PPIC: variants seen among roughly 807,000 people sequenced by gnomAD.
PPIC encodes peptidylprolyl isomerase C, also known as peptidyl-prolyl cis-trans isomerase C.
PPIC carries 19 observed loss-of-function variants against 19.5 expected under a neutral mutation model. The observed-to-expected ratio is 0.98, with a 90% CI of 0.68 to 1.43. PPIC has a LOEUF of 1.43. Ranked by LOEUF, PPIC falls within the 40% of genes most tolerant of loss-of-function variation. The probability of loss-of-function intolerance (pLI) is 0.00; values close to 1 mark genes in which losing one functional copy is unlikely to be tolerated. For missense variants in PPIC, 268 were observed against 268.6 expected (o/e 1.00, Z 0.02); for synonymous variants, 107 against 101.2 (o/e 1.06, Z -0.34).
intron 1 of PPIC, among the ~76,000 whole-genome samples, chr5:123,031,550 T>TG (rs1279583256): frequency 6.6e-6 from 1 of 152,114 alleles, no homozygotes; most frequent in Admixed American, 6.5e-5. Context: ...TTAGAGTGGG[T>TG]GGGGGGCCAG....
At chr5:123,033,884 C>G (rs1321489650) in intron 1 of PPIC, among the ~76,000 whole-genome samples, 1 of 152,226 alleles carries the variant, frequency 6.6e-6, no homozygotes, top group African/African-American at 2.4e-5. Context: ...TGCACAGATC[C>G]CATGGCATTG....
rs1004408270 is a variant in PPIC, at chr5:123,036,568, G to A, written c.58C>T (p.Leu20Phe). The A allele has an allele frequency of 4.1e-5, 66 of 1,602,002 alleles. No individual in the cohort carries two copies. Among genetic ancestry groups the A allele is most frequent in the Non-Finnish European group, 5.6e-5 (66 of 1,175,764 alleles). Residue 20 changes from leucine (L) to phenylalanine (F), a missense_variant, in exon 1 of 5, where the codon CTT (leucine) becomes TTT (phenylalanine). Physicochemically the swap from Leu to Phe is conservative, Grantham distance 22. Transcript: ENST00000306442. The surrounding 1 kb of genome is among the most constrained non-coding windows in gnomAD (Gnocchi z 4.5). ...CCCTCGGCCCCCGAAGAAAACACAAGTGCGCCGAGCCCCACGCAAAGCACG... is the reference window on the plus strand; with the variant it reads ...CCCTCGGCCCCCGAAGAAAACACAAATGCGCCGAGCCCCACGCAAAGCACG... ...PLVLCVGLGA[L>F]VFSSGAEGFR...
chr5:123,035,250 C>G (rs907458244), intron 1 of PPIC, among the ~76,000 whole-genome samples: 3 of 152,172 alleles, frequency 2.0e-5, no homozygotes, highest in South Asian at 2.1e-4. Flanking sequence ...TTAAATGTCA[C>G]CCAAAGTATA....
Position 123,023,838 on chromosome 5 carries a change from C to CACACACACACACACA in PPIC, c.*36_*37insTGTGTGTGTGTGTGT, listed in dbSNP as rs776662400. On this transcript the variant is annotated 3_prime_UTR_variant, in exon 5 of 5. Coordinates refer to ENST00000306442, the MANE Select transcript of PPIC (RefSeq NM_000943.5). ...CACACACACACACACACACACACAC[C>CACACACACACACACA]CCTGCCAAAGCATATCCTTGTTTTC... The CACACACACACACACA allele has an allele frequency of 1.5e-6, 2 of 1,311,200 alleles. No homozygotes were observed. Among genetic ancestry groups the CACACACACACACACA allele is most frequent in the Non-Finnish European group, 2.1e-6 (2 of 945,324 alleles). The allele number at this position is 1,311,200 out of a possible 1,614,324, so 81.2% of individuals were successfully genotyped here. A position where few individuals can be genotyped will look rare whatever the true frequency, so the allele number is the denominator to read the frequency against.
Position 123,029,308 on chromosome 5 carries a change from T to C in PPIC, c.228A>G (p.Gly76=). ...TVENFVALAT[G]EKGYGYKGSK... ...AGGAAATAAAATTGAGACATACCTCTCCTGTTGCTAGAGCAACAAAATTTT... is the reference window on the plus strand; with the variant it reads ...AGGAAATAAAATTGAGACATACCTCCCCTGTTGCTAGAGCAACAAAATTTT... Residue 76 remains glycine (G), a synonymous_variant, in exon 2 of 5, where the codon GGA becomes GGG. Coordinates refer to ENST00000306442, the MANE Select transcript of PPIC (RefSeq NM_000943.5). 1 of 1,614,088 alleles carries C rather than the reference T, an allele frequency of 6.2e-7. No homozygotes were observed. The highest frequency in any genetic ancestry group is 8.5e-7 in the Non-Finnish European group (1 of 1,179,968).
At chr5:123,033,247 A>C (rs1485974710) in intron 1 of PPIC, among the ~76,000 whole-genome samples, 1 of 152,230 alleles carries the variant, frequency 6.6e-6, no homozygotes, top group East Asian at 1.9e-4. Flanking sequence ...GAAATCAGGG[A>C]CTATGGACTA....
At chr5:123,032,325 T>A (rs1328557006) in intron 1 of PPIC, among the ~76,000 whole-genome samples, 1 of 152,200 alleles carries the variant, frequency 6.6e-6, no homozygotes, top group African/African-American at 2.4e-5. Context: ...TTCCCTACTA[T>A]GAGTGTGAGA....
intron 1 of PPIC, among the ~76,000 whole-genome samples, chr5:123,029,846 A>C (rs1395793965): frequency 6.6e-6 from 1 of 152,242 alleles, no homozygotes; most frequent in Non-Finnish European, 1.5e-5. Flanking sequence ...GCAGGACAAA[A>C]GAAAAAAGTT....
Position 123,036,432 on chromosome 5 carries a change from C to T in PPIC, c.117+77G>A, listed in dbSNP as rs1378670803. 5.2e-6 allele frequency: 7 copies of T among 1,343,432 alleles called. No homozygotes were observed. The highest frequency in any genetic ancestry group is 1.4e-5 in the African/African-American group (1 of 69,352). 83.2% of individuals were successfully genotyped at this position (1,343,432 alleles called of 1,614,324 possible). A position where few individuals can be genotyped will look rare whatever the true frequency, so the allele number is the denominator to read the frequency against. The stretch of plus-strand genomic sequence containing the variant: ...AGCCTCCACCTCGCCCGCCCTGACA[C>T]CGAGGTCCCAGTATCCAAAGCGCCC... On this transcript the variant is annotated intron_variant, in intron 1 of 4. Transcript: ENST00000306442. This position sits in a 1 kb window ranked among gnomAD's most constrained non-coding sequence, Gnocchi z 4.5.
At chr5:123,027,275 G>A (rs1391978405) in intron 3 of PPIC, among the ~76,000 whole-genome samples, 1 of 152,134 alleles carries the variant, frequency 6.6e-6, no homozygotes, top group Non-Finnish European at 1.5e-5. Context: ...AAGTGGCCTT[G>A]TAGGAGAGTG....
intron 1 of PPIC, among the ~76,000 whole-genome samples, chr5:123,031,072 T>C (rs1762934050): frequency 6.6e-6 from 1 of 151,782 alleles, no homozygotes; most frequent in East Asian, 1.9e-4. Context: ...CATATTATTA[T>C]AATTTTTTTC....
intron 3 of PPIC, among the ~76,000 whole-genome samples, chr5:123,027,063 G>A (rs906057358): frequency 2.6e-5 from 4 of 152,016 alleles, no homozygotes; most frequent in Non-Finnish European, 4.4e-5. Context: ...GCATGGTGGC[G>A]GGCGCCTGCA....
chr5:123,023,815 CA>C lies in PPIC; in HGVS notation c.*59del. 6.4e-7 allele frequency: 1 copy of C among 1,555,622 alleles called. No individual in the cohort carries two copies. Among genetic ancestry groups the C allele is most frequent in the Non-Finnish European group, 8.7e-7 (1 of 1,147,876 alleles). ...TAATTGAAAGACAACACAACACACACACACACACACACACACACACACCCCT... is the reference window on the plus strand; with the variant it reads ...TAATTGAAAGACAACACAACACACACCACACACACACACACACACACCCCT... On this transcript the variant is annotated 3_prime_UTR_variant, in exon 5 of 5. Transcript: ENST00000306442.
chr5:123,036,089 C>A lies in PPIC; in HGVS notation c.117+420G>T, dbSNP rs1763006357. ...GCGGCTGCAAGCCCTGGGCTCCGAG[C>A]GCCTCTCCTGTGCGGGTCCCGCCCC... is the stretch of plus-strand genomic sequence containing the variant. On this transcript the variant is annotated intron_variant, in intron 1 of 4. Transcript: ENST00000306442. This position sits in a 1 kb window ranked among gnomAD's most constrained non-coding sequence, Gnocchi z 4.5. 6.6e-6 allele frequency among the ~76,000 whole-genome samples: 1 copy of A among 152,152 alleles called. No individual in the cohort carries two copies. The highest frequency in any genetic ancestry group is 6.5e-5 in the Admixed American group (1 of 15,290).
At chr5:123,029,520 C>T in intron 1 of PPIC, 102 bp from the exon 2 acceptor site, 1 of 1,439,298 alleles carries the variant, frequency 6.9e-7, no homozygotes, top group Middle Eastern at 1.8e-4. Flanking sequence ...CATACAAAAG[C>T]CCTGCCCATC....
At chr5:123,031,990 T>A (rs1168411707) in intron 1 of PPIC, among the ~76,000 whole-genome samples, 1 of 152,098 alleles carries the variant, frequency 6.6e-6, no homozygotes, top group African/African-American at 2.4e-5. Flanking sequence ...AGAGACGGGG[T>A]TTCGCCATAT....
chr5:123,031,859 C>T (rs888017454), intron 1 of PPIC, among the ~76,000 whole-genome samples: 1 of 152,172 alleles, frequency 6.6e-6, no homozygotes, highest in Admixed American at 6.5e-5. Context: ...TGCAGTGGCA[C>T]AATCTTGGCT....
intron 1 of PPIC, among the ~76,000 whole-genome samples, chr5:123,031,272 G>A (rs896110770): frequency 6.6e-6 from 1 of 152,188 alleles, no homozygotes; most frequent in African/African-American, 2.4e-5. Flanking sequence ...TTAAAATAAA[G>A]AGATAGGATA....
intron 1 of PPIC, among the ~76,000 whole-genome samples, chr5:123,035,731 C>T (rs777715045): frequency 2.1e-4 from 32 of 152,212 alleles, no homozygotes; most frequent in Non-Finnish European, 2.8e-4. Flanking sequence ...TCCCTGCATT[C>T]TCCCATTATC....
Sources: allele counts gnomAD v4.1 joint callset (sites outside exome capture counted in the v4.1 genomes callset), GRCh38; gene constraint gnomAD v4.1.1; non-coding constraint Gnocchi (gnomAD v3.1); transcripts MANE v1.5; gene names NCBI Gene and HGNC (gene_info 2026-07-23, HGNC 2026-07-21).